Variants in ANKRD30A observed in about 807,000 individuals in gnomAD.
ANKRD30A encodes ankyrin repeat domain-containing protein 30A.
Under a neutral mutation model 166.3 loss-of-function variants are expected in ANKRD30A, and 170 were observed. The ratio of observed to expected loss-of-function variants is 1.02; its 90% CI spans 0.90 to 1.16. ANKRD30A has a LOEUF of 1.16. Ranked by LOEUF, ANKRD30A falls within the 50% of genes most tolerant of loss-of-function variation. The pLI, the probability that ANKRD30A is intolerant of heterozygous loss-of-function variation, is 0.00. For missense variants in ANKRD30A, 1,630 were observed against 1,518.0 expected, an observed-to-expected ratio of 1.07 and a Z score of -1.23; for synonymous variants, 564 against 508.9, an observed-to-expected ratio of 1.11 and a Z score of -1.46.
Position 37,153,599 on chromosome 10 carries a change from G to T in ANKRD30A, c.1735G>T (p.Asp579Tyr). 1.2e-6 allele frequency: 2 copies of T among 1,612,088 alleles called. No individual in the cohort carries two copies. The highest frequency in any genetic ancestry group is 2.2e-5 in the South Asian group (2 of 90,962). ...TCTCTGTGAGACTGTTTCACAGAAG[G>T]ATGTGTGTTTACCCAAGGCTACACA... ...ESLCETVSQK[D>Y]VCLPKATHQK... The change falls in exon 13 of 36, where the codon GAT becomes TAT. Residue 579 changes from aspartate to tyrosine, a missense_variant. Transcript: ENST00000361713.
intron 15 of ANKRD30A, among the ~76,000 whole-genome samples, chr10:37,161,861 A>T (rs1274808026): frequency 6.6e-6 from 1 of 152,230 alleles, no homozygotes; most frequent in East Asian, 1.9e-4. Flanking sequence ...ACCGAACCAG[A>T]CGAATTGTAG....
At chr10:37,248,029 A>G in the ANKRD30A span, 2 of 74,036 alleles carry the variant, frequency 2.7e-5, no homozygotes, top group East Asian at 2.6e-4. Context: ...AGTAAAACTG[A>G]AAAAAAAAAA....
At chr10:37,157,895 A>G (rs1422878130) in intron 13 of ANKRD30A, among the ~76,000 whole-genome samples, 1 of 152,180 alleles carries the variant, frequency 6.6e-6, no homozygotes, top group Non-Finnish European at 1.5e-5. Flanking sequence ...AACTCTCATC[A>G]CAACTTTGCA....
intron 3 of ANKRD30A, among the ~76,000 whole-genome samples, chr10:37,130,961 C>T (rs1160692247): frequency 1.3e-5 from 2 of 152,088 alleles, no homozygotes; most frequent in Non-Finnish European, 2.9e-5. Flanking sequence ...GTATTCAAGA[C>T]AGTTGATAGG....
intron 34 of ANKRD30A, among the ~76,000 whole-genome samples, chr10:37,224,678 T>G (rs1420702583): frequency 6.6e-6 from 1 of 151,500 alleles, no homozygotes; most frequent in Non-Finnish European, 1.5e-5. Context: ...CCAATTAATA[T>G]TTTTCTCTCA....
At chr10:37,232,465 A>G (rs1285408189) in intron 35 of ANKRD30A, 34 bp from the exon 36 acceptor site, 7 of 150,642 alleles carry the variant, frequency 4.6e-5, no homozygotes, top group East Asian at 2.0e-4. Context: ...AGCAACTACA[A>G]CCACACATAA....
intron 17 of ANKRD30A, among the ~76,000 whole-genome samples, chr10:37,164,583 T>C (rs1318055918): frequency 6.6e-6 from 1 of 152,102 alleles, no homozygotes; most frequent in Non-Finnish European, 1.5e-5. Flanking sequence ...TGTCATAGCA[T>C]ACGGAAATGT....
intron 31 of ANKRD30A, 21 bp downstream of exon 31, chr10:37,201,346 A>C (rs1414811709): frequency 1.3e-6 from 2 of 1,520,372 alleles, no homozygotes; most frequent in Non-Finnish European, 1.8e-6. Context: ...TCTTTTATTT[A>C]AAAGGTCATT....
At chr10:37,146,732 G>A (rs1313071644) in intron 8 of ANKRD30A, among the ~76,000 whole-genome samples, 2 of 152,116 alleles carry the variant, frequency 1.3e-5, no homozygotes, top group Non-Finnish European at 2.9e-5. Context: ...ACTTCCTGGG[G>A]TAGTCCTGAG....
At chr10:37,237,476 C>T (rs1414288583), downstream of ANKRD30A, among the ~76,000 whole-genome samples, 12 of 152,084 alleles carry the variant, frequency 7.9e-5, no homozygotes, top group Non-Finnish European at 5.9e-5. Context: ...CTGCTATGTC[C>T]TCTGTAGTAC....
At position 37,141,822 on chromosome 10, in the gene ANKRD30A, TTGG is replaced by T. The variant is rs1837148420; in HGVS notation, c.929_931del (p.Val310del). ...AAAAACACCTGATGAGGCTGCACCC[TTGG>T]TGGAAAGAACACCTGACACGGCTGA... On this transcript the variant is annotated inframe_deletion, in exon 7 of 36. Transcript: ENST00000361713. 1 of 1,613,586 alleles carries T rather than the reference TTGG, an allele frequency of 6.2e-7. No individual in the cohort carries two copies. Among genetic ancestry groups the T allele is most frequent in the South Asian group, 1.1e-5 (1 of 91,068 alleles).
intron 31 of ANKRD30A, among the ~76,000 whole-genome samples, chr10:37,213,556 C>CT (rs397965588): frequency 0.016 from 2,063 of 132,462 alleles, 41 homozygotes; most frequent in African/African-American, 0.049. Flanking sequence ...TCTTCTTCTT[C>CT]TTTTTTTTTT....
the ANKRD30A span, among the ~76,000 whole-genome samples, chr10:37,250,339 T>G: frequency 6.6e-6 from 1 of 151,902 alleles, no homozygotes; most frequent in African/African-American, 2.4e-5. Context: ...GGGGAAGGAT[T>G]CAGAGAAGGA....
intron 11 of ANKRD30A, among the ~76,000 whole-genome samples, chr10:37,151,055 AG>A (rs1284743053): frequency 8.0e-6 from 1 of 124,730 alleles, no homozygotes; most frequent in East Asian, 2.0e-4. Flanking sequence ...TGTGAACATT[AG>A]GGATGCTAAG....
chr10:37,134,581 T>C (rs377500264), intron 5 of ANKRD30A, among the ~76,000 whole-genome samples: 13 of 152,310 alleles, frequency 8.5e-5, no homozygotes, highest in African/African-American at 2.9e-4. Context: ...CATATGTAGA[T>C]TTCAAAGTTA....
intron 25 of ANKRD30A, among the ~76,000 whole-genome samples, chr10:37,191,246 G>A: frequency 6.6e-6 from 1 of 151,550 alleles, no homozygotes; most frequent in East Asian, 1.9e-4. Context: ...AAAAATGTTG[G>A]CATACTATTC....
intron 15 of ANKRD30A, among the ~76,000 whole-genome samples, chr10:37,161,121 G>A (rs141193181): frequency 2.6e-5 from 4 of 152,282 alleles, no homozygotes; most frequent in Admixed American, 2.6e-4. Context: ...GGACGTGGTG[G>A]CACGCATTTC....
In ANKRD30A at chr10:37,130,016, T is replaced by A; in HGVS notation, c.336+9T>A. 1 of 1,476,058 alleles carries A rather than the reference T, an allele frequency of 6.8e-7. No homozygotes were observed. The highest frequency in any genetic ancestry group is 2.5e-5 in the East Asian group (1 of 39,896). 91.4% of individuals were successfully genotyped at this position (1,476,058 alleles called of 1,614,324 possible). On this transcript the variant is annotated intron_variant, in intron 2 of 35. Coordinates refer to ENST00000361713, the MANE Select transcript of ANKRD30A (RefSeq NM_052997.3). ...GGACACCTCTGATGAAGGTAAATAG[T>A]AGCCAGATTTTTCAGCAGGAGATGG...
rs570783013 is a variant in ANKRD30A, at chr10:37,159,910, G to A, written c.1900+1324G>A. Among the ~76,000 whole-genome samples, 68 of 152,218 alleles carry A rather than the reference G, an allele frequency of 4.5e-4. 1 individual carries two copies. The highest frequency in any genetic ancestry group is 8.1e-4 in the Non-Finnish European group (55 of 68,012). ...AGGGTTTCAGTGTGTTAGCCAGGAT[G>A]GTCTGATCCGGATCTCCTGACCTTG... is the stretch of plus-strand genomic sequence containing the variant. On this transcript the variant is annotated intron_variant, in intron 15 of 35. Coordinates refer to ENST00000361713, the MANE Select transcript of ANKRD30A (RefSeq NM_052997.3).
Sources: gnomAD v4.1 joint callset for allele counts (sites outside exome capture counted in the v4.1 genomes callset) on GRCh38, gnomAD v4.1.1 for gene constraint, MANE v1.5 for transcripts, NCBI Gene and HGNC (gene_info 2026-07-23, HGNC 2026-07-21) for gene names.